GABRB2: variants seen among roughly 807,000 people sequenced by gnomAD.
The protein encoded by GABRB2 is gamma-aminobutyric acid type A receptor subunit beta2, also known as gamma-aminobutyric acid receptor subunit beta-2.
GABRB2 carries 16 observed loss-of-function variants against 54.7 expected under a neutral mutation model. The ratio of observed to expected loss-of-function variants is 0.29; its 90% CI spans 0.20 to 0.44. The LOEUF (loss-of-function observed/expected upper bound fraction) is 0.44. Among genes scored for constraint, GABRB2 ranks in the 20% least tolerant of loss-of-function variants. The probability of loss-of-function intolerance (pLI) is 1.00; values close to 1 mark genes in which losing one functional copy is unlikely to be tolerated. For missense variants in GABRB2, 355 were observed against 644.0 expected, an observed-to-expected ratio of 0.55 and a Z score of 4.86; for synonymous variants, 244 against 233.8, an observed-to-expected ratio of 1.04 and a Z score of -0.40.
chr5:161,440,427 G>A (rs1757436335), intron 4 of GABRB2, among the ~76,000 whole-genome samples: 1 of 152,074 alleles, frequency 6.6e-6, no homozygotes, highest in Non-Finnish European at 1.5e-5. Context: ...AACCAAAACA[G>A]AGCAGTAGTA....
At chr5:161,396,602 A>G (rs775158971) in intron 5 of GABRB2, among the ~76,000 whole-genome samples, 4 of 152,272 alleles carry the variant, frequency 2.6e-5, no homozygotes, top group Middle Eastern at 3.4e-3. Context: ...ATTGATTATC[A>G]GCTACAGGAT....
intron 4 of GABRB2, among the ~76,000 whole-genome samples, chr5:161,420,319 A>T (rs1756812700): frequency 6.6e-6 from 1 of 152,210 alleles, no homozygotes; most frequent in African/African-American, 2.4e-5. Flanking sequence ...CTTTTCACTT[A>T]TTCCAAATAT....
At chr5:161,404,935 T>C (rs1242925772) in intron 5 of GABRB2, among the ~76,000 whole-genome samples, 1 of 152,118 alleles carries the variant, frequency 6.6e-6, no homozygotes, top group Non-Finnish European at 1.5e-5. Flanking sequence ...AGTGAAATAA[T>C]TCCTTTATTC....
chr5:161,457,540 G>A (rs1304849214), intron 4 of GABRB2, among the ~76,000 whole-genome samples: 1 of 150,832 alleles, frequency 6.6e-6, no homozygotes, highest in Non-Finnish European at 1.5e-5. Flanking sequence ...CCGCCTCCCA[G>A]GTTCACACCA....
At chr5:161,452,788 G>C (rs1411675376) in intron 4 of GABRB2, among the ~76,000 whole-genome samples, 1 of 152,122 alleles carries the variant, frequency 6.6e-6, no homozygotes, top group Admixed American at 6.6e-5. Context: ...GAGCCCAGGA[G>C]TTCAAGAACA....
chr5:161,291,367 T>A lies in GABRB2; in HGVS notation c.*2714A>T, dbSNP rs907230369. The A allele has an allele frequency of 2.0e-5, 3 of 152,212 alleles. No individual in the cohort carries two copies. Among genetic ancestry groups the A allele is most frequent in the Admixed American group, 1.3e-4 (2 of 15,264 alleles). The allele number at this position is 152,212 out of a possible 1,614,324, so 9.4% of individuals were successfully genotyped here. Reference sequence around the variant, plus strand: ...TTTAACAACTGGCTATCAAGCTGACTGGTCTTCCTAGACTTATCAGGTCTA... The same window carrying A: ...TTTAACAACTGGCTATCAAGCTGACAGGTCTTCCTAGACTTATCAGGTCTA... On this transcript the variant is annotated 3_prime_UTR_variant, in exon 10 of 10. Transcript: ENST00000393959.
At chr5:161,343,940 A>G (rs1191659406) in intron 5 of GABRB2, among the ~76,000 whole-genome samples, 1 of 152,126 alleles carries the variant, frequency 6.6e-6, no homozygotes, top group African/African-American at 2.4e-5. Flanking sequence ...AAATCTTGTG[A>G]AAATGCAGAT....
chr5:161,460,678 T>C (rs1758098291), intron 3 of GABRB2, among the ~76,000 whole-genome samples: 1 of 152,098 alleles, frequency 6.6e-6, no homozygotes, highest in African/African-American at 2.4e-5. Context: ...AATATATAAT[T>C]TGTATCTAGT....
At chr5:161,538,905 A>G (rs1345151526) in intron 3 of GABRB2, among the ~76,000 whole-genome samples, 3 of 152,192 alleles carry the variant, frequency 2.0e-5, no homozygotes, top group Non-Finnish European at 4.4e-5. Context: ...TACTCTGTCC[A>G]TAAGGCCTAA....
chr5:161,469,963 T>A (rs1758390845), intron 3 of GABRB2, among the ~76,000 whole-genome samples: 1 of 151,964 alleles, frequency 6.6e-6, no homozygotes, highest in South Asian at 2.1e-4. Context: ...GTTTCAGACA[T>A]CCTATGCATC....
intron 4 of GABRB2, among the ~76,000 whole-genome samples, chr5:161,444,861 T>C (rs1435857821): frequency 1.3e-5 from 2 of 152,170 alleles, no homozygotes; most frequent in East Asian, 3.9e-4. Context: ...TTACTCCTCT[T>C]AATTTACCTC....
chr5:161,506,295 A>C (rs1476174809), intron 3 of GABRB2, among the ~76,000 whole-genome samples: 1 of 152,138 alleles, frequency 6.6e-6, no homozygotes, highest in Non-Finnish European at 1.5e-5. Flanking sequence ...AAATATTGTT[A>C]AGATGTCAAA....
chr5:161,496,493 T>TA (rs1168877256), intron 3 of GABRB2, among the ~76,000 whole-genome samples: 1 of 144,794 alleles, frequency 6.9e-6, no homozygotes, highest in South Asian at 2.1e-4. Context: ...TCTGTCAAAT[T>TA]AAAAAAGAGA....
chr5:161,322,998 T>C (rs953431398), intron 9 of GABRB2, among the ~76,000 whole-genome samples: 5 of 152,042 alleles, frequency 3.3e-5, no homozygotes, highest in Non-Finnish European at 7.4e-5. Context: ...AAAATACTTT[T>C]TAATACATTT....
chr5:161,540,129 T>C (rs919472216), intron 3 of GABRB2, among the ~76,000 whole-genome samples: 8 of 152,222 alleles, frequency 5.3e-5, no homozygotes, highest in South Asian at 2.1e-4. Context: ...TCCTGTGTGA[T>C]AGCATTTTAC....
intron 4 of GABRB2, among the ~76,000 whole-genome samples, chr5:161,419,231 G>A (rs1756776467): frequency 1.3e-5 from 2 of 152,180 alleles, no homozygotes; most frequent in South Asian, 4.1e-4. Context: ...CTAATCATCA[G>A]AGAAATGCAT....
At chr5:161,341,858 C>A (rs1754168078) in intron 5 of GABRB2, among the ~76,000 whole-genome samples, 1 of 147,708 alleles carries the variant, frequency 6.8e-6, no homozygotes, top group African/African-American at 2.5e-5. Context: ...AAATCTGAAC[C>A]TGTGCCAAGA....
intron 5 of GABRB2, among the ~76,000 whole-genome samples, chr5:161,404,888 C>T (rs1194630009): frequency 1.3e-5 from 2 of 152,102 alleles, no homozygotes; most frequent in Admixed American, 1.3e-4. Context: ...CCTTAACCTA[C>T]AGCTACTTAG....
chr5:161,399,280 A>C (rs1756104201), intron 5 of GABRB2, among the ~76,000 whole-genome samples: 1 of 152,104 alleles, frequency 6.6e-6, no homozygotes, highest in Admixed American at 6.5e-5. Context: ...TTTAAATCCC[A>C]GCTTAGCCAC....
Sources: allele counts gnomAD v4.1 joint callset (sites outside exome capture counted in the v4.1 genomes callset), GRCh38; gene constraint gnomAD v4.1.1; transcripts MANE v1.5; gene names NCBI Gene and HGNC (gene_info 2026-07-23, HGNC 2026-07-21).